BPNT1: variants seen among roughly 807,000 people sequenced by gnomAD.
BPNT1 encodes the protein 3'(2'), 5'-bisphosphate nucleotidase 1.
A neutral mutation model predicts 36.9 loss-of-function variants in BPNT1; 28 were observed. That is an observed-to-expected ratio of 0.76 (90% CI 0.56 to 1.04). The LOEUF (loss-of-function observed/expected upper bound fraction) is 1.04. BPNT1 is among the 50% of genes least tolerant of loss of function. The pLI is 0.00. For missense variants in BPNT1, 313 were observed against 372.9 expected (o/e 0.84, Z 1.32); for synonymous variants, 119 against 130.9 (o/e 0.91, Z 0.62).
chr1:220,063,112 G>A (rs1663205538), intron 6 of BPNT1, among the ~76,000 whole-genome samples, 158 bp from the exon 7 acceptor site: 1 of 152,216 alleles, frequency 6.6e-6, no homozygotes, highest in Admixed American at 6.5e-5. Flanking sequence ...ACTTTGGGAG[G>A]CCGAGGCGGG....
intron 1 of BPNT1, among the ~76,000 whole-genome samples, chr1:220,080,283 AG>A (rs1664982535): frequency 6.6e-6 from 1 of 152,262 alleles, no homozygotes; most frequent in South Asian, 2.1e-4. Context: ...ACATAAAACT[AG>A]GCAGCGCCAA....
At chr1:220,078,206 AG>A (rs1251460675) in intron 2 of BPNT1, among the ~76,000 whole-genome samples, 2 of 147,804 alleles carry the variant, frequency 1.4e-5, no homozygotes, top group Non-Finnish European at 3.0e-5. Context: ...AAAAAAAAAA[AG>A]ATTATAATAA....
chr1:220,062,185 C>T (rs1285924599), intron 7 of BPNT1, among the ~76,000 whole-genome samples: 2 of 151,144 alleles, frequency 1.3e-5, no homozygotes, highest in African/African-American at 4.9e-5. Context: ...GGTACATGTG[C>T]ACAATGTGCA....
chr1:220,058,220 T>C lies in BPNT1; in HGVS notation c.*624A>G, dbSNP rs904089414. 2 of 994,890 alleles carry C rather than the reference T, an allele frequency of 2.0e-6. No individual in the cohort carries two copies. Among genetic ancestry groups the C allele is most frequent in the Admixed American group, 5.7e-5 (1 of 17,656 alleles). The allele number at this position is 994,890 out of a possible 1,614,324, so 61.6% of individuals were successfully genotyped here. A position where few individuals can be genotyped will look rare whatever the true frequency, so the allele number is the denominator to read the frequency against. The stretch of plus-strand genomic sequence containing the variant: ...CTGGTTTAGAAGATAGGAATGTTCA[T>C]TGAACATTGACCTGAACTGTCAATT... On this transcript the variant is annotated 3_prime_UTR_variant, in exon 9 of 9. Coordinates refer to ENST00000322067, the MANE Select transcript of BPNT1 (RefSeq NM_006085.6).
At position 220,073,990 on chromosome 1, in the gene BPNT1, T is replaced by C. The variant is rs1210590794; in HGVS notation, c.202A>G (p.Lys68Glu). The C allele has an allele frequency of 6.2e-7, 1 of 1,614,096 alleles. No individual in the cohort carries two copies. The highest frequency in any genetic ancestry group is 2.2e-5 in the East Asian group (1 of 44,878). Residue 68 changes from lysine (K) to glutamate (E), a missense_variant, in exon 3 of 9, where the codon AAA (lysine) becomes GAA (glutamate). Lys to Glu is a moderately conservative substitution (Grantham distance 56). Transcript: ENST00000322067. ...ACCTCTTCCCCTATAATTGTGAGTT[T>C]GGGGAATTTCCGGGCCAATGAAGAA... ...ICSSLARKFP[K>E]LTIIGEEDLP...
At chr1:220,085,335 T>A (rs1655615028) in intron 1 of BPNT1, among the ~76,000 whole-genome samples, 1 of 152,224 alleles carries the variant, frequency 6.6e-6, no homozygotes, top group South Asian at 2.1e-4. Flanking sequence ...TGAAGGTGTC[T>A]TTCTGAAAGC....
At chr1:220,074,837 C>A (rs1664400166) in intron 2 of BPNT1, among the ~76,000 whole-genome samples, 1 of 152,106 alleles carries the variant, frequency 6.6e-6, no homozygotes, top group African/African-American at 2.4e-5. Flanking sequence ...CGAATATGAA[C>A]TGCTGTAATA....
intron 1 of BPNT1, among the ~76,000 whole-genome samples, chr1:220,084,412 T>C (rs1424055312): frequency 6.6e-6 from 1 of 152,156 alleles, no homozygotes; most frequent in Non-Finnish European, 1.5e-5. Flanking sequence ...TCTATTCCTT[T>C]ATATCCATAT....
intron 1 of BPNT1, among the ~76,000 whole-genome samples, chr1:220,084,384 C>T (rs1398425114): frequency 6.6e-6 from 1 of 151,636 alleles, no homozygotes. Flanking sequence ...ATTTAGTAAA[C>T]ACTTTGTTGG....
At position 220,074,037 on chromosome 1, in the gene BPNT1, C is replaced by T. The variant is rs776487679; in HGVS notation, c.155G>A (p.Arg52Gln). ...CATDLQTKAD[R>Q]LAQMSICSSL... ...AGAACATATGCTCATCTGTGCCAATCGGTCAGCTTTGGTCTGCAGGTCTGT... is the reference window on the plus strand; with the variant it reads ...AGAACATATGCTCATCTGTGCCAATTGGTCAGCTTTGGTCTGCAGGTCTGT... Residue 52 changes from arginine to glutamine, a missense_variant, in exon 3 of 9, where the codon CGA becomes CAA. By Grantham distance (43) the Arg-to-Gln change is conservative. Transcript: ENST00000322067. 77 of 1,614,076 alleles carry T rather than the reference C, an allele frequency of 4.8e-5. No homozygotes were observed. The East Asian group carries it at 1.3e-3, about 27-fold the overall frequency.
Position 220,079,739 on chromosome 1 carries a change from A to T in BPNT1, c.108T>A (p.Gly36=), listed in dbSNP as rs566803316. Residue 36 remains glycine, a synonymous_variant, in exon 2 of 9, where the codon GGT becomes GGA. Transcript: ENST00000322067. ...VRRVIAEGDL[G]IVEKTCATDL... is the part of the protein sequence containing the mutation. ...AGAGTTTGAGTACCTTCTCCACAAT[A>T]CCCAGGTCTCCTTCAGCAATAACAC... The T allele has an allele frequency of 2.5e-6, 4 of 1,614,034 alleles. No individual in the cohort carries two copies. The highest frequency in any genetic ancestry group is 3.4e-6 in the Non-Finnish European group (4 of 1,179,982).
intron 2 of BPNT1, among the ~76,000 whole-genome samples, chr1:220,076,164 C>T (rs973186023): frequency 1.3e-5 from 2 of 151,770 alleles, no homozygotes; most frequent in Admixed American, 6.6e-5. Flanking sequence ...GTCAGGAGTT[C>T]GAGACCAGCC....
chr1:220,079,014 G>A (rs1342004923), intron 2 of BPNT1, among the ~76,000 whole-genome samples: 1 of 152,020 alleles, frequency 6.6e-6, no homozygotes, highest in Non-Finnish European at 1.5e-5. Context: ...GGAAAAACAC[G>A]CTTGCTTTGA....
intron 1 of BPNT1, among the ~76,000 whole-genome samples, chr1:220,085,280 C>T (rs879916968): frequency 3.9e-5 from 6 of 152,172 alleles, no homozygotes; most frequent in Non-Finnish European, 1.5e-5. Context: ...CATTGTACTT[C>T]TTTCTCTACC....
In BPNT1 at chr1:220,082,083, TATAGAG is replaced by T. The variant is rs1230488324; in HGVS notation, c.-8-2235_-8-2230del. 6.9e-3 allele frequency among the ~76,000 whole-genome samples: 760 copies of T among 110,772 alleles called. 7 individuals carry two copies. Among genetic ancestry groups the T allele is most frequent in the South Asian group, 0.012 (40 of 3,356 alleles). The allele number at this position is 110,772 out of a possible 152,430, so 72.7% of individuals were successfully genotyped here. A position where few individuals can be genotyped will look rare whatever the true frequency, so the allele number is the denominator to read the frequency against. ...AGGACAATATATATATATATATATA[TATAGAG>T]AGAGAGAGAGAGAGAGAGAGAGAGA... On this transcript the variant is annotated intron_variant, in intron 1 of 8. Transcript: ENST00000322067.
intron 4 of BPNT1, 83 bp from the exon 5 acceptor site, chr1:220,069,515 CT>C: frequency 4.8e-6 from 5 of 1,045,730 alleles, no homozygotes; most frequent in South Asian, 1.6e-5. Flanking sequence ...TAAAATTACT[CT>C]TTTTTTCCTG....
Position 220,062,757 on chromosome 1 carries a change from C to T in BPNT1, c.672G>A (p.Lys224=), listed in dbSNP as rs762659033. 4 of 1,614,068 alleles carry T rather than the reference C, an allele frequency of 2.5e-6. No homozygotes were observed. Among genetic ancestry groups the T allele is most frequent in the Non-Finnish European group, 1.7e-6 (2 of 1,179,952 alleles). Residue 224 remains lysine (K), a splice_region_variant and synonymous_variant, in exon 7 of 9, where the codon AAG becomes AAA. Coordinates refer to ENST00000322067, the MANE Select transcript of BPNT1 (RefSeq NM_006085.6). The part of the protein sequence containing the change: ...AVLRVGGAGN[K]IIQLIEGKAS... The stretch of plus-strand genomic sequence containing the variant: ...AGCAGATGACAGACATTTTTCATAC[C>T]TTATTTCCTGCTCCTCCTACTCGCA...
intron 1 of BPNT1, among the ~76,000 whole-genome samples, chr1:220,089,219 T>C (rs930388683): frequency 3.3e-5 from 5 of 151,432 alleles, no homozygotes; most frequent in East Asian, 1.9e-4. Context: ...TGAGGGAACA[T>C]GTTCCTGAGC....
chr1:220,086,135 A>T (rs997437277), intron 1 of BPNT1, among the ~76,000 whole-genome samples: 5 of 152,220 alleles, frequency 3.3e-5, no homozygotes, highest in African/African-American at 1.2e-4. Flanking sequence ...TCAACATATG[A>T]TATAAAAGTT....
Sources: gnomAD v4.1 joint callset for allele counts (sites outside exome capture counted in the v4.1 genomes callset) on GRCh38, gnomAD v4.1.1 for gene constraint, MANE v1.5 for transcripts, NCBI Gene and HGNC (gene_info 2026-07-23, HGNC 2026-07-21) for gene names.